The following ZFYVE28 variants were observed in gnomAD, a reference collection of about 807,000 sequenced individuals.
The protein encoded by ZFYVE28 is lateral signaling target protein 2 homolog.
A neutral mutation model predicts 82.1 loss-of-function variants in ZFYVE28; 40 were observed. The observed-to-expected ratio is 0.49, with a 90% confidence interval of 0.38 to 0.63. ZFYVE28 has a LOEUF of 0.63. ZFYVE28 is among the 30% of genes least tolerant of loss of function. The probability of loss-of-function intolerance (pLI) is 0.00; values close to 1 mark genes in which losing one functional copy is unlikely to be tolerated. For missense variants in ZFYVE28, 1,321 were observed against 1,242.1 expected (o/e 1.06, Z -0.96); for synonymous variants, 612 against 546.1 (o/e 1.12, Z -1.68).
At chr4:2,293,886 G>C (rs1475589439) in intron 8 of ZFYVE28, among the ~76,000 whole-genome samples, 2 of 151,844 alleles carry the variant, frequency 1.3e-5, no homozygotes, top group African/African-American at 4.8e-5. Flanking sequence ...GAATACTTGA[G>C]GATTCATCTG....
chr4:2,294,901 A>C (rs1577941921), intron 8 of ZFYVE28, among the ~76,000 whole-genome samples: 3 of 152,240 alleles, frequency 2.0e-5, no homozygotes, highest in East Asian at 3.9e-4. Context: ...GGATTGCTTG[A>C]GCCCAGGAGT....
Position 2,416,095 on chromosome 4 carries a change from A to G in ZFYVE28, c.39+2190T>C, listed in dbSNP as rs552104849. 3.3e-5 allele frequency among the ~76,000 whole-genome samples: 5 copies of G among 152,306 alleles called. No homozygotes were observed. Among genetic ancestry groups the G allele is most frequent in the Non-Finnish European group, 1.5e-5 (1 of 68,018 alleles). On this transcript the variant is annotated intron_variant, in intron 1 of 12. Transcript: ENST00000290974. This position sits in a 1 kb window ranked among gnomAD's most constrained non-coding sequence, Gnocchi z 4.6. Reference sequence around the variant, plus strand: ...CTGGGCTGATCCCTGGGATCAGCTGATTCACTGGCTGTGCCCTCTTGGTGC... The same window carrying G: ...CTGGGCTGATCCCTGGGATCAGCTGGTTCACTGGCTGTGCCCTCTTGGTGC...
At chr4:2,283,414 CCCACCCATCCAT>C (rs1712240438) in intron 8 of ZFYVE28, among the ~76,000 whole-genome samples, 3 of 134,272 alleles carry the variant, frequency 2.2e-5, no homozygotes, top group East Asian at 5.1e-4. Flanking sequence ...CACCCATCCA[CCCACCCATCCAT>C]CCACCCATCC....
At chr4:2,399,942 G>A (rs904834020) in intron 1 of ZFYVE28, among the ~76,000 whole-genome samples, 2 of 152,222 alleles carry the variant, frequency 1.3e-5, no homozygotes, top group African/African-American at 4.8e-5. Context: ...CCACTAAGAG[G>A]CACCACCACG....
In ZFYVE28 at chr4:2,339,520, T is replaced by C; in HGVS notation, c.454A>G (p.Thr152Ala). Residue 152 changes from threonine (T) to alanine (A), a missense_variant, in exon 4 of 13, where the codon ACC becomes GCC. Around this residue, in one of 2 missense-constraint regions of ZFYVE28, gnomAD observed 343 missense variants for 408.4 expected, o/e 0.84. Coordinates refer to ENST00000290974, the MANE Select transcript of ZFYVE28 (RefSeq NM_020972.3). The surrounding 1 kb of genome is among the most constrained non-coding windows in gnomAD (Gnocchi z 5.0). ...GCTTCCCTCATCTTCTCTGTGTAGG[T>C]GTTCAGGTCCCGCAGCGCCTGGTCA... ...LRDQALRDLN[T>A]YTEKMREALR... 6.2e-7 allele frequency: 1 copy of C among 1,613,812 alleles called. No individual in the cohort carries two copies. Among genetic ancestry groups the C allele is most frequent in the Non-Finnish European group, 8.5e-7 (1 of 1,179,942 alleles).
intron 8 of ZFYVE28, among the ~76,000 whole-genome samples, chr4:2,293,120 A>G (rs977685324): frequency 6.6e-6 from 1 of 151,968 alleles, no homozygotes; most frequent in Non-Finnish European, 1.5e-5. Flanking sequence ...AAAACCTCTT[A>G]GCAAATTAGG....
chr4:2,353,569 G>C (rs1724788800), intron 2 of ZFYVE28, among the ~76,000 whole-genome samples: 1 of 152,164 alleles, frequency 6.6e-6, no homozygotes. Flanking sequence ...AGCACCATTA[G>C]TCAGTGGCAG....
intron 1 of ZFYVE28, among the ~76,000 whole-genome samples, chr4:2,376,162 C>A (rs1353111283): frequency 6.6e-6 from 1 of 151,706 alleles, no homozygotes; most frequent in East Asian, 2.0e-4. Context: ...CATGAGCCAC[C>A]GTGCCTGGCC....
intron 8 of ZFYVE28, among the ~76,000 whole-genome samples, chr4:2,283,417 A>C: frequency 4.7e-5 from 5 of 105,750 alleles, no homozygotes; most frequent in South Asian, 3.3e-4. Context: ...CCATCCACCC[A>C]CCCATCCATC....
In ZFYVE28 at chr4:2,290,017, C is replaced by T. The variant is rs574566760; in HGVS notation, c.2051+14272G>A. ...CAGACAGTGGACAGGCCCAGGGAGC[C>T]GCTGTCCTTGCGGAGGCCAGCCCAG... On this transcript the variant is annotated intron_variant, in intron 8 of 12. Coordinates refer to ENST00000290974, the MANE Select transcript of ZFYVE28 (RefSeq NM_020972.3). Among the ~76,000 whole-genome samples, 122 of 152,228 alleles carry T rather than the reference C, an allele frequency of 8.0e-4. 1 individual carries two copies. Among genetic ancestry groups the T allele is most frequent in the South Asian group, 2.1e-4 (1 of 4,822 alleles).
rs1015448282 is a variant in ZFYVE28 at position 2,417,470 on chromosome 4, C to T, written c.39+815G>A. 1.3e-5 allele frequency among the ~76,000 whole-genome samples: 2 copies of T among 150,712 alleles called. No homozygotes were observed. The highest frequency in any genetic ancestry group is 1.3e-4 in the Admixed American group (2 of 15,102). ...GGGCGCGCCGCCCGGACCCCGACCC[C>T]GCGGCGCTAGGAGAGGCGCGGGCGC... is the stretch of plus-strand genomic sequence containing the variant. On this transcript the variant is annotated intron_variant, in intron 1 of 12. Transcript: ENST00000290974. The surrounding 1 kb of genome is among the most constrained non-coding windows in gnomAD (Gnocchi z 4.8).
At position 2,270,529 on chromosome 4, in the gene ZFYVE28, G is replaced by T; in HGVS notation, c.*196C>A. On this transcript the variant is annotated 3_prime_UTR_variant, in exon 13 of 13. Transcript: ENST00000290974. ...GCTGGGCAAAGCTGACCTCTTGTTG[G>T]CCCCTGCAGCCGGCCCGGGGTCCCT... The T allele has an allele frequency of 1.3e-6, 1 of 760,362 alleles. No individual in the cohort carries two copies. The highest frequency in any genetic ancestry group is 2.1e-6 in the Non-Finnish European group (1 of 483,842). The allele number at this position is 760,362 out of a possible 1,614,324, so 47.1% of individuals were successfully genotyped here.
intron 1 of ZFYVE28, among the ~76,000 whole-genome samples, chr4:2,404,503 T>C (rs550039079): frequency 2.1e-5 from 2 of 95,528 alleles, no homozygotes; most frequent in South Asian, 3.3e-4. Context: ...TGTCCACTAA[T>C]GGAATATTAT....
Position 2,394,103 on chromosome 4 carries a change from C to A in ZFYVE28, c.39+24182G>T, listed in dbSNP as rs1424341864. Among the ~76,000 whole-genome samples the A allele has an allele frequency of 1.3e-5, 2 of 152,212 alleles. No individual in the cohort carries two copies. Among genetic ancestry groups the A allele is most frequent in the East Asian group, 3.8e-4 (2 of 5,200 alleles). On this transcript the variant is annotated intron_variant, in intron 1 of 12. Transcript: ENST00000290974. This position sits in a 1 kb window ranked among gnomAD's most constrained non-coding sequence, Gnocchi z 4.0. Reference sequence around the variant, plus strand: ...AGCGGCATTGCACGTCTACAGCCTTCTTCCCAGGCCCAGCTCCTCTGACTC... The same window carrying A: ...AGCGGCATTGCACGTCTACAGCCTTATTCCCAGGCCCAGCTCCTCTGACTC...
chr4:2,275,614 C>G (rs1736351997), intron 8 of ZFYVE28, among the ~76,000 whole-genome samples: 1 of 152,210 alleles, frequency 6.6e-6, no homozygotes, highest in African/African-American at 2.4e-5. Context: ...AGCCTTGCCC[C>G]AAATGTTCGG....
chr4:2,322,426 C>A (rs1014026975), intron 6 of ZFYVE28, among the ~76,000 whole-genome samples: 6 of 151,092 alleles, frequency 4.0e-5, no homozygotes, highest in Non-Finnish European at 7.4e-5. Context: ...AAGCAGCACC[C>A]ACTGGTGAGC....
chr4:2,340,971 T>C (rs1276997908), intron 3 of ZFYVE28, among the ~76,000 whole-genome samples: 1 of 150,842 alleles, frequency 6.6e-6, no homozygotes, highest in Non-Finnish European at 1.5e-5. Flanking sequence ...GGAGTCCGCA[T>C]GGTGGGGGCC....
chr4:2,280,917 C>T (rs933454705), intron 8 of ZFYVE28, among the ~76,000 whole-genome samples: 59 of 152,172 alleles, frequency 3.9e-4, no homozygotes, highest in African/African-American at 1.4e-3. Context: ...AGGGGAAGGG[C>T]CCTGACGTTC....
chr4:2,374,381 G>C (rs180870296), intron 1 of ZFYVE28, among the ~76,000 whole-genome samples: 20 of 152,314 alleles, frequency 1.3e-4, no homozygotes, highest in African/African-American at 4.3e-4. Flanking sequence ...GACGGCCAAG[G>C]CGGGAGGATT....
Sources: allele counts gnomAD v4.1 joint callset (sites outside exome capture counted in the v4.1 genomes callset), GRCh38; gene constraint gnomAD v4.1.1; regional missense constraint gnomAD v4.1.1; non-coding constraint Gnocchi (gnomAD v3.1); transcripts MANE v1.5; gene names NCBI Gene and HGNC (gene_info 2026-07-23, HGNC 2026-07-21).